CCDC154: variants seen among roughly 807,000 people sequenced by gnomAD.
The protein encoded by CCDC154 is coiled-coil domain-containing protein 154.
In CCDC154, 91 loss-of-function variants were observed where a neutral mutation model predicts 87.5. The ratio of observed to expected loss-of-function variants is 1.04; its 90% CI spans 0.88 to 1.24. CCDC154 has a LOEUF of 1.24. Among genes scored for constraint, CCDC154 ranks in the 50% most tolerant of loss-of-function variants. The probability of loss-of-function intolerance (pLI) is 0.00; values close to 1 mark genes in which losing one functional copy is unlikely to be tolerated. For synonymous variants in CCDC154, 418 were observed against 400.4 expected (o/e 1.04, Z -0.52); for missense variants, 903 against 879.2 (o/e 1.03, Z -0.34).
intron 15 of CCDC154, 32 bp downstream of exon 15, chr16:1,435,057 T>TG: frequency 6.5e-7 from 1 of 1,540,106 alleles, no homozygotes. Context: ...GGGTGGGAGC[T>TG]GGGCGGTGCC....
intron 11 of CCDC154, chr16:1,437,346 C>T (rs1411790361): frequency 5.6e-6 from 1 of 178,490 alleles, no homozygotes; most frequent in Non-Finnish European, 1.2e-5. Context: ...CCAGCGGTCG[C>T]CAGGGGAAGT....
At position 1,443,636 on chromosome 16, in the gene CCDC154, C is replaced by T. The variant is rs759657210; in HGVS notation, c.284G>A (p.Arg95His). 6.7e-5 allele frequency: 91 copies of T among 1,357,464 alleles called. No individual in the cohort carries two copies. The highest frequency in any genetic ancestry group is 1.1e-4 in the East Asian group (3 of 27,424). The allele number at this position is 1,357,464 out of a possible 1,614,324, so 84.1% of individuals were successfully genotyped here. A position where few individuals can be genotyped will look rare whatever the true frequency, so the allele number is the denominator to read the frequency against. The change falls in exon 3 of 17, where the codon CGC becomes CAC. Residue 95 changes from arginine to histidine, a missense_variant. Physicochemically the swap from Arg to His is conservative, Grantham distance 29. Coordinates refer to ENST00000389176, the MANE Select transcript of CCDC154 (RefSeq NM_001143980.3). Reference sequence around the variant, plus strand: ...CTCCCGCAGCAGGCTCCGCGTGGCGCGCTCACAGCGCTGCTTGTGCTCCCG... The same window carrying T: ...CTCCCGCAGCAGGCTCCGCGTGGCGTGCTCACAGCGCTGCTTGTGCTCCCG... Reference protein sequence around the residue: ...CLREHKQRCERATRSLLRELL... With the variant: ...CLREHKQRCEHATRSLLRELL...
chr16:1,436,019 C>T lies in CCDC154; in HGVS notation c.1555G>A (p.Glu519Lys), dbSNP rs1363356076. 6.5e-6 allele frequency: 10 copies of T among 1,550,278 alleles called. No homozygotes were observed. Among genetic ancestry groups the T allele is most frequent in the Non-Finnish European group, 8.7e-6 (10 of 1,146,908 alleles). Residue 519 changes from glutamate (E) to lysine (K), a missense_variant, in exon 14 of 17, where the codon GAA (glutamate) becomes AAA (lysine). By Grantham distance (56) the Glu-to-Lys change is moderately conservative (BLOSUM62 1). Transcript: ENST00000389176. ...GCGATCTTCCGCCCAGGGTTGTCTT[C>T]CTTTAGCAGCTGCACGGATGATAGT... ...TLLSSVQLLK[E>K]DNPGRKIAEM...
rs777788710 is a variant in CCDC154, at chr16:1,436,088, T to C, written c.1488-2A>G. 9 of 1,549,284 alleles carry C rather than the reference T, an allele frequency of 5.8e-6. No individual in the cohort carries two copies. The Admixed American group carries it at 7.8e-5, about 14-fold the overall frequency. ...CGCAGGGCCCCAACCTTGAACTCCCTATGGGCACCAGAGGCCGAGGCTGGC... is the reference window on the plus strand; with the variant it reads ...CGCAGGGCCCCAACCTTGAACTCCCCATGGGCACCAGAGGCCGAGGCTGGC... On this transcript the variant is annotated splice_acceptor_variant, in intron 13 of 16. Coordinates refer to ENST00000389176, the MANE Select transcript of CCDC154 (RefSeq NM_001143980.3). LOFTEE classifies it high-confidence loss of function.
chr16:1,444,122 A>C (rs2038587517), intron 1 of CCDC154, 110 bp from the exon 2 acceptor site: 1 of 1,027,818 alleles, frequency 9.7e-7, no homozygotes, highest in African/African-American at 1.7e-5. Context: ...CCCAGAGCTC[A>C]ACGCGTCTCC....
chr16:1,442,353 G>A, intron 6 of CCDC154, 53 bp downstream of exon 6: 2 of 1,502,392 alleles, frequency 1.3e-6, no homozygotes, highest in Admixed American at 2.3e-5. Context: ...GAGGGTTAGG[G>A]TCTCCTCCTC....
chr16:1,436,863 A>T, intron 11 of CCDC154, 52 bp from the exon 12 acceptor site: 2 of 1,544,724 alleles, frequency 1.3e-6, no homozygotes, highest in South Asian at 2.4e-5. Context: ...GGGGACAGAC[A>T]GATGGAAAGA....
chr16:1,442,821 G>C, intron 5 of CCDC154, 59 bp downstream of exon 5: 1 of 1,476,916 alleles, frequency 6.8e-7, no homozygotes, highest in African/African-American at 1.4e-5. Flanking sequence ...GGCTCAGCCA[G>C]GGACTCTCAA....
chr16:1,436,874 C>G (rs3751894), intron 11 of CCDC154, 63 bp from the exon 12 acceptor site: 21 of 1,540,084 alleles, frequency 1.4e-5, no homozygotes, highest in Non-Finnish European at 1.5e-5. Flanking sequence ...GATGGAAAGA[C>G]GGACACGGGG....
Position 1,435,960 on chromosome 16 carries a change from C to T in CCDC154, c.1605+9G>A. ...TCTCCCAGCTGGGTGCGGGCAGCCC[C>T]AGGACTACCGTGGCCAGCTTGCCCT... On this transcript the variant is annotated intron_variant, in intron 14 of 16. Transcript: ENST00000389176. The T allele has an allele frequency of 6.5e-7, 1 of 1,548,392 alleles. No individual in the cohort carries two copies. The highest frequency in any genetic ancestry group is 1.4e-5 in the African/African-American group (1 of 73,142).
rs1596202820 is a variant in CCDC154, at chr16:1,436,499, C to A, written c.1433G>T (p.Cys478Phe). 2 of 1,549,080 alleles carry A rather than the reference C, an allele frequency of 1.3e-6. No homozygotes were observed. Among genetic ancestry groups the A allele is most frequent in the African/African-American group, 2.7e-5 (2 of 73,184 alleles). The change falls in exon 13 of 17, where the codon TGC (cysteine) becomes TTC (phenylalanine). Residue 478 changes from cysteine (C) to phenylalanine (F), a missense_variant. By Grantham distance (205) the Cys-to-Phe change is radical. Transcript: ENST00000389176. The part of the protein sequence containing the change: ...PQQIESVSDK[C>F]LLHKSDSDLR... ...GTCTGAGTCGCTCTTATGAAGCAGGCACTTGTCGGAGACACTCTCTATCTG... is the reference window on the plus strand; with the variant it reads ...GTCTGAGTCGCTCTTATGAAGCAGGAACTTGTCGGAGACACTCTCTATCTG...
Position 1,438,031 on chromosome 16 carries a change from T to C in CCDC154, c.1152+19A>G. 1 of 1,544,758 alleles carries C rather than the reference T, an allele frequency of 6.5e-7. No individual in the cohort carries two copies. Among genetic ancestry groups the C allele is most frequent in the South Asian group, 1.2e-5 (1 of 83,674 alleles). On this transcript the variant is annotated intron_variant, in intron 10 of 16. Coordinates refer to ENST00000389176, the MANE Select transcript of CCDC154 (RefSeq NM_001143980.3). ...TGCGTGGGAGACCCCGTTGGGGACATGTTGCGCTACCCCCTCACCAGCACC... is the reference window on the plus strand; with the variant it reads ...TGCGTGGGAGACCCCGTTGGGGACACGTTGCGCTACCCCCTCACCAGCACC...
Position 1,442,563 on chromosome 16 carries a change from C to T in CCDC154, c.552-34G>A, listed in dbSNP as rs746461255. The T allele has an allele frequency of 2.5e-5, 37 of 1,498,752 alleles. No homozygotes were observed. The South Asian group carries it at 4.2e-4, about 17-fold the overall frequency. The allele number at this position is 1,498,752 out of a possible 1,614,324, so 92.8% of individuals were successfully genotyped here. A position where few individuals can be genotyped will look rare whatever the true frequency, so the allele number is the denominator to read the frequency against. On this transcript the variant is annotated intron_variant, in intron 5 of 16. Transcript: ENST00000389176. Reference sequence around the variant, plus strand: ...GTCGGCTGTGGTCACACCAGCCCAGCTGGCCGGAGGGCCCAGCAGGGTGAG... The same window carrying T: ...GTCGGCTGTGGTCACACCAGCCCAGTTGGCCGGAGGGCCCAGCAGGGTGAG...
intron 11 of CCDC154, among the ~76,000 whole-genome samples, 160 bp from the exon 12 acceptor site, chr16:1,436,971 C>T (rs546948750): frequency 5.3e-5 from 8 of 152,316 alleles, no homozygotes; most frequent in South Asian, 2.1e-4. Flanking sequence ...ATGGCCTGGC[C>T]GGGCACGCTC....
chr16:1,442,580 C>G, intron 5 of CCDC154, 51 bp from the exon 6 acceptor site: 1 of 1,472,994 alleles, frequency 6.8e-7, no homozygotes, highest in Non-Finnish European at 9.0e-7. Context: ...GAGGGCCCAG[C>G]AGGGTGAGGC....
At chr16:1,437,990 G>A (rs565208850) in intron 10 of CCDC154, 36 bp from the exon 11 acceptor site, 7 of 1,537,544 alleles carry the variant, frequency 4.6e-6, no homozygotes, top group African/African-American at 2.7e-5. Context: ...AGGCCTGGCT[G>A]AGCGCCCATC....
chr16:1,438,862 G>A lies in CCDC154; in HGVS notation c.859C>T (p.Arg287Trp), dbSNP rs1402893879. 7.7e-6 allele frequency: 12 copies of A among 1,548,582 alleles called. No individual in the cohort carries two copies. The highest frequency in any genetic ancestry group is 3.9e-5 in the Admixed American group (2 of 50,934). Residue 287 changes from arginine to tryptophan, a missense_variant, in exon 8 of 17, where the codon CGG becomes TGG. Transcript: ENST00000389176. ...GELESRWEKL[R>W]GLMEERLRAL... ...CGCAGGCGCTCCTCCATCAGCCCCC[G>A]AAGCTTCTCCCACCGGCTCTCCAGC... is the stretch of plus-strand genomic sequence containing the variant.
At chr16:1,443,456 C>G (rs982130557) in intron 3 of CCDC154, 50 bp downstream of exon 3, 26 of 1,433,016 alleles carry the variant, frequency 1.8e-5, no homozygotes, top group Non-Finnish European at 2.2e-5. Context: ...CAGCTGCCCC[C>G]AACACCCAGG....
chr16:1,439,951 C>T (rs540431827), intron 6 of CCDC154, among the ~76,000 whole-genome samples: 2 of 151,572 alleles, frequency 1.3e-5, no homozygotes, highest in Non-Finnish European at 2.9e-5. Context: ...AGGTTCAAGA[C>T]CAGCCTGGCC....
Sources: gnomAD v4.1 joint callset for allele counts (sites outside exome capture counted in the v4.1 genomes callset) on GRCh38, gnomAD v4.1.1 for gene constraint, MANE v1.5 for transcripts, NCBI Gene and HGNC (gene_info 2026-07-23, HGNC 2026-07-21) for gene names.